STK24: variants seen among roughly 807,000 people sequenced by gnomAD.
The protein encoded by STK24 is serine/threonine-protein kinase 24.
STK24 carries 21 observed loss-of-function variants against 55.6 expected under a neutral mutation model. That is an observed-to-expected ratio of 0.38 (90% confidence interval 0.27 to 0.54). STK24 has a LOEUF of 0.54. Ranked by LOEUF, STK24 falls within the 20% of genes least tolerant of loss-of-function variation. STK24 has a pLI of 0.79. For synonymous variants in STK24, 200 were observed against 215.2 expected, an observed-to-expected ratio of 0.93 and a Z score of 0.62; for missense variants, 383 against 538.4, an observed-to-expected ratio of 0.71 and a Z score of 2.86.
intron 5 of STK24, among the ~76,000 whole-genome samples, chr13:98,469,621 G>C (rs991707279): frequency 2.0e-5 from 3 of 151,892 alleles, no homozygotes; most frequent in African/African-American, 2.4e-5. Flanking sequence ...CAGCTCCTTA[G>C]GATCCCCTCT....
At position 98,452,885 on chromosome 13, in the gene STK24, A is replaced by T. The variant is rs1199140690; in HGVS notation, c.*288T>A. ...TCAGGGTTTGTTTTTGTTTTTAAAG[A>T]CACTTTCCTGGAATATGTGCACTAT... On this transcript the variant is annotated 3_prime_UTR_variant, in exon 11 of 11. Transcript: ENST00000539966. The T allele has an allele frequency of 6.0e-6, 2 of 333,186 alleles. No homozygotes were observed. The highest frequency in any genetic ancestry group is 1.7e-4 in the South Asian group (2 of 11,942). 20.6% of individuals were successfully genotyped at this position (333,186 alleles called of 1,614,324 possible). A position where few individuals can be genotyped will look rare whatever the true frequency, so the allele number is the denominator to read the frequency against.
In STK24 at chr13:98,447,948, C is replaced by T. The variant is rs1175868150; in HGVS notation, c.*5225G>A. 4.3e-6 allele frequency: 2 copies of T among 460,942 alleles called. No homozygotes were observed. The highest frequency in any genetic ancestry group is 7.6e-5 in the Admixed American group (2 of 26,242). The allele number at this position is 460,942 out of a possible 1,614,324, so 28.6% of individuals were successfully genotyped here. A position where few individuals can be genotyped will look rare whatever the true frequency, so the allele number is the denominator to read the frequency against. On this transcript the variant is annotated 3_prime_UTR_variant, in exon 11 of 11. Coordinates refer to ENST00000539966, the MANE Select transcript of STK24 (RefSeq NM_001032296.4). ...GTCCATGAAAATAGGAGGTAGCGTTCTCCCCAGCAACCAGAGGCCACCTCG... is the reference window on the plus strand; with the variant it reads ...GTCCATGAAAATAGGAGGTAGCGTTTTCCCCAGCAACCAGAGGCCACCTCG...
intron 2 of STK24, among the ~76,000 whole-genome samples, chr13:98,494,839 T>C (rs1566368013): frequency 6.6e-6 from 1 of 152,172 alleles, no homozygotes; most frequent in Non-Finnish European, 1.5e-5. Context: ...GCACCCGCAC[T>C]GAGGCACCCC....
chr13:98,546,895 A>ATTT (rs1258030703), intron 1 of STK24, among the ~76,000 whole-genome samples: 1 of 63,624 alleles, frequency 1.6e-5, no homozygotes, highest in Non-Finnish European at 3.9e-5. Context: ...TCCATATCTA[A>ATTT]TTGTTGTTTT....
At chr13:98,476,249 C>G (rs980149760) in intron 3 of STK24, among the ~76,000 whole-genome samples, 32 of 148,602 alleles carry the variant, frequency 2.2e-4, no homozygotes, top group African/African-American at 7.3e-4. Context: ...AGCCCCCCCC[C>G]GCCCCCTGCA....
intron 2 of STK24, among the ~76,000 whole-genome samples, chr13:98,514,243 C>A (rs1479595696): frequency 1.3e-5 from 2 of 152,224 alleles, no homozygotes; most frequent in Non-Finnish European, 2.9e-5. Flanking sequence ...CTGACCTGCA[C>A]AGCAGCCTCG....
chr13:98,470,102 A>C (rs1375530678), intron 5 of STK24, among the ~76,000 whole-genome samples: 2 of 152,324 alleles, frequency 1.3e-5, no homozygotes, highest in South Asian at 4.1e-4. Flanking sequence ...AATATAATTG[A>C]GTTTGTCTAT....
In STK24 at chr13:98,450,914, G is replaced by C. The variant is rs1243493826; in HGVS notation, c.*2259C>G. 1 of 152,152 alleles carries C rather than the reference G, an allele frequency of 6.6e-6. No homozygotes were observed. The highest frequency in any genetic ancestry group is 2.1e-4 in the South Asian group (1 of 4,830). The allele number at this position is 152,152 out of a possible 1,614,324, so 9.4% of individuals were successfully genotyped here. On this transcript the variant is annotated 3_prime_UTR_variant, in exon 11 of 11. Transcript: ENST00000539966. ...CCCAGGAGAGAATGTACACAGAGGC[G>C]AGCTTTCTAACTCCATCAAACCCCA... is the stretch of plus-strand genomic sequence containing the variant.
chr13:98,519,326 T>A lies in STK24; in HGVS notation c.190A>T (p.Ile64Leu). Reference protein sequence around the residue: ...IIDLEEAEDEIEDIQQEITVL... With the variant: ...IIDLEEAEDELEDIQQEITVL... ...GTGATTTCTTGTTGAATGTCCTCTA[T>A]CTCATCTTCAGCTTCTTCCAGATCA... Residue 64 changes from isoleucine to leucine, a missense_variant, in exon 2 of 11, where the codon ATA (isoleucine) becomes TTA (leucine). By Grantham distance (5) the Ile-to-Leu change is conservative. Transcript: ENST00000539966. 6.2e-7 allele frequency: 1 copy of A among 1,614,228 alleles called. No homozygotes were observed. The highest frequency in any genetic ancestry group is 1.1e-5 in the South Asian group (1 of 91,084).
In STK24 at chr13:98,463,706, G is replaced by A; in HGVS notation, c.914C>T (p.Ser305Phe). Residue 305 changes from serine (S) to phenylalanine (F), a missense_variant, in exon 7 of 11, where the codon TCC (serine) becomes TTC (phenylalanine). Physicochemically the swap from Ser to Phe is radical, Grantham distance 155. Coordinates refer to ENST00000539966, the MANE Select transcript of STK24 (RefSeq NM_001032296.4). The part of the protein sequence containing the change: ...KAEQSHDDSS[S>F]EDSDAETDGQ... ...GCCGACTTACGCGTCGGAATCCTCG[G>A]AGCTCGAGTCGTCATGGCTCTGCTC... 2 of 1,613,990 alleles carry A rather than the reference G, an allele frequency of 1.2e-6. No homozygotes were observed. The highest frequency in any genetic ancestry group is 1.7e-6 in the Non-Finnish European group (2 of 1,179,946).
At chr13:98,458,972 T>A (rs1893585786) in intron 9 of STK24, among the ~76,000 whole-genome samples, 1 of 152,200 alleles carries the variant, frequency 6.6e-6, no homozygotes, top group South Asian at 2.1e-4. Context: ...GCCTGTGAGT[T>A]TAGCAATTGG....
chr13:98,529,684 GACAA>G (rs1269158071), intron 1 of STK24, among the ~76,000 whole-genome samples: 2 of 152,108 alleles, frequency 1.3e-5, no homozygotes, highest in African/African-American at 2.4e-5. Flanking sequence ...GTGAGGAAAA[GACAA>G]ACAAACCACC....
chr13:98,567,251 T>A (rs554274145), intron 1 of STK24, among the ~76,000 whole-genome samples: 3 of 152,336 alleles, frequency 2.0e-5, no homozygotes, highest in African/African-American at 7.2e-5. Flanking sequence ...TGCTAACACA[T>A]GGCCACTGGG....
chr13:98,476,339 C>T lies in STK24; in HGVS notation c.331-981G>A, dbSNP rs564341463. Among the ~76,000 whole-genome samples the T allele has an allele frequency of 2.0e-5, 3 of 150,036 alleles. No homozygotes were observed. The South Asian group carries it at 6.3e-4, about 31-fold the overall frequency. ...CCAGTGCTCCCCGGAACCACAGAAA[C>T]GGAGCCAGACAGAGGGCAGATGTCT... is the stretch of plus-strand genomic sequence containing the variant. On this transcript the variant is annotated intron_variant, in intron 3 of 10. Coordinates refer to ENST00000539966, the MANE Select transcript of STK24 (RefSeq NM_001032296.4).
intron 2 of STK24, among the ~76,000 whole-genome samples, chr13:98,505,766 A>G (rs1293589720): frequency 1.3e-5 from 2 of 152,236 alleles, no homozygotes; most frequent in East Asian, 1.9e-4. Flanking sequence ...CACAGCTAGC[A>G]AAAGTATTTA....
chr13:98,450,025 CTATT>C lies in STK24; in HGVS notation c.*3144_*3147del, dbSNP rs58661708. 0.26 allele frequency: 39,346 copies of C among 151,944 alleles called. 5,207 individuals are homozygous for C. Among genetic ancestry groups the C allele is most frequent in the Non-Finnish European group, 0.3 (20,166 of 67,894 alleles). The allele number at this position is 151,944 out of a possible 1,614,324, so 9.4% of individuals were successfully genotyped here. On this transcript the variant is annotated 3_prime_UTR_variant, in exon 11 of 11. Transcript: ENST00000539966. The stretch of plus-strand genomic sequence containing the variant: ...CTTGGGGACAAGGCAGTCTCCTCAG[CTATT>C]TATTTCTGAATGATTGATTGATTCC...
At chr13:98,489,117 C>T (rs1894921636) in intron 2 of STK24, among the ~76,000 whole-genome samples, 1 of 152,054 alleles carries the variant, frequency 6.6e-6, no homozygotes, top group Non-Finnish European at 1.5e-5. Flanking sequence ...GCTCTGATGG[C>T]AACTACAACA....
Position 98,447,024 on chromosome 13 carries a change from C to T in STK24, c.*6149G>A. The T allele has an allele frequency of 1.8e-6, 1 of 560,928 alleles. No homozygotes were observed. Among genetic ancestry groups the T allele is most frequent in the South Asian group, 2.1e-5 (1 of 47,444 alleles). 34.7% of individuals were successfully genotyped at this position (560,928 alleles called of 1,614,324 possible). A position where few individuals can be genotyped will look rare whatever the true frequency, so the allele number is the denominator to read the frequency against. ...GTCCCAACTTCCCTGCGCCCTTACC[C>T]TGCACGGTGTTGGCTGAGGCCCTAG... On this transcript the variant is annotated 3_prime_UTR_variant, in exon 11 of 11. Coordinates refer to ENST00000539966, the MANE Select transcript of STK24 (RefSeq NM_001032296.4).
In STK24 at chr13:98,505,991, A is replaced by G. The variant is rs538888383; in HGVS notation, c.273+13252T>C. On this transcript the variant is annotated intron_variant, in intron 2 of 10. Transcript: ENST00000539966. ...GAGTTTTCTGTATCTCTGTTTTAAA[A>G]GTTTGATTCAAATATATGTTTTAGA... is the stretch of plus-strand genomic sequence containing the variant. Among the ~76,000 whole-genome samples the G allele has an allele frequency of 4.9e-4, 74 of 152,370 alleles. No individual in the cohort carries two copies. The Middle Eastern group carries it at 0.014, about 28-fold the overall frequency.
Sources: allele counts gnomAD v4.1 joint callset (sites outside exome capture counted in the v4.1 genomes callset), GRCh38; gene constraint gnomAD v4.1.1; transcripts MANE v1.5; gene names NCBI Gene and HGNC (gene_info 2026-07-23, HGNC 2026-07-21).